ADORA1: variants seen among roughly 807,000 people sequenced by gnomAD.
ADORA1 encodes the protein adenosine A1 receptor, also known as adenosine receptor A1.
ADORA1 carries 6 observed loss-of-function variants against 19.9 expected under a neutral mutation model. The ratio of observed to expected loss-of-function variants is 0.30; its 90% CI spans 0.17 to 0.59. ADORA1 has a LOEUF of 0.59. Among genes scored for constraint, ADORA1 ranks in the 20% least tolerant of loss-of-function variants. The pLI, the probability that ADORA1 is intolerant of heterozygous loss-of-function variation, is 0.87. For missense variants in ADORA1, 302 were observed against 439.2 expected (o/e 0.69, Z 2.79); for synonymous variants, 194 against 188.4 (o/e 1.03, Z -0.24).
intron 3 of ADORA1, among the ~76,000 whole-genome samples, chr1:203,137,358 C>T (rs1446098627): frequency 1.3e-5 from 2 of 152,118 alleles, no homozygotes; most frequent in Admixed American, 1.3e-4. Context: ...TAATGGGTCA[C>T]TGGCCCAGGT....
At chr1:203,135,594 G>A (rs1354837970) in intron 3 of ADORA1, among the ~76,000 whole-genome samples, 1 of 151,046 alleles carries the variant, frequency 6.6e-6, no homozygotes, top group Non-Finnish European at 1.5e-5. Flanking sequence ...AGAGGCAGAT[G>A]TTGCAGTGAG....
In ADORA1 at chr1:203,128,965, G is replaced by A; in HGVS notation, c.124G>A (p.Asp42Asn). 1 of 1,614,166 alleles carries A rather than the reference G, an allele frequency of 6.2e-7. No homozygotes were observed. Among genetic ancestry groups the A allele is most frequent in the African/African-American group, 1.3e-5 (1 of 75,060 alleles). The change falls in exon 3 of 4, where the codon GAT (aspartate) becomes AAT (asparagine). Residue 42 changes from aspartate (D) to asparagine (N), a missense_variant. Coordinates refer to ENST00000337894, the MANE Select transcript of ADORA1 (RefSeq NM_000674.3). The surrounding 1 kb of genome is among the most constrained non-coding windows in gnomAD (Gnocchi z 5.9). ...WAVKVNQALRDATFCFIVSLA... is the reference protein window; with the variant it reads ...WAVKVNQALRNATFCFIVSLA... ...GGTGAAGGTGAACCAGGCGCTGCGGGATGCCACCTTCTGCTTCATCGTGTC... is the reference window on the plus strand; with the variant it reads ...GGTGAAGGTGAACCAGGCGCTGCGGAATGCCACCTTCTGCTTCATCGTGTC...
chr1:203,163,794 C>G (rs538451331), intron 3 of ADORA1, among the ~76,000 whole-genome samples: 7 of 152,160 alleles, frequency 4.6e-5, no homozygotes, highest in Middle Eastern at 6.8e-3. Flanking sequence ...AAGCGTTGTC[C>G]GGGGCGAGAC....
chr1:203,160,383 G>A (rs1655325078), intron 3 of ADORA1, among the ~76,000 whole-genome samples: 1 of 152,138 alleles, frequency 6.6e-6, no homozygotes, highest in African/African-American at 2.4e-5. Context: ...ATTTTTCTTT[G>A]AGCGTCTTGT....
intron 3 of ADORA1, chr1:203,129,388 C>G (rs1368406792): frequency 1.1e-5 from 8 of 723,338 alleles, no homozygotes; most frequent in Non-Finnish European, 1.4e-5. Context: ...GAGGACTGTA[C>G]TGTGAACTTA....
chr1:203,132,973 G>C (rs573872440), intron 3 of ADORA1, among the ~76,000 whole-genome samples: 1 of 152,110 alleles, frequency 6.6e-6, no homozygotes, highest in Non-Finnish European at 1.5e-5. Context: ...TTGGGATCCC[G>C]GGAGGGTTTT....
Position 203,164,099 on chromosome 1 carries a change from G to T in ADORA1, c.342-1162G>T, listed in dbSNP as rs142654553. 2.1e-3 allele frequency among the ~76,000 whole-genome samples: 317 copies of T among 152,312 alleles called. 1 individual carries two copies. Among genetic ancestry groups the T allele is most frequent in the Middle Eastern group, 0.017 (5 of 294 alleles). ...TGGCTGCTGGCTAGATTGGTTTAAAGGGAAGTAGGAACCCCTGAGATATGA... is the reference window on the plus strand; with the variant it reads ...TGGCTGCTGGCTAGATTGGTTTAAATGGAAGTAGGAACCCCTGAGATATGA... On this transcript the variant is annotated intron_variant, in intron 3 of 3. Transcript: ENST00000337894.
At position 203,139,613 on chromosome 1, in the gene ADORA1, C is replaced by T. The variant is rs144701323; in HGVS notation, c.341+10431C>T. 2.8e-3 allele frequency among the ~76,000 whole-genome samples: 434 copies of T among 152,318 alleles called. 3 individuals are homozygous for T. The highest frequency in any genetic ancestry group is 0.01 in the African/African-American group (419 of 41,566). ...CCATGTTCAGCTGCATGGGCACAGG[C>T]ATGGAAGAGGCAGATAATTTATTCC... is the stretch of plus-strand genomic sequence containing the variant. On this transcript the variant is annotated intron_variant, in intron 3 of 3. Coordinates refer to ENST00000337894, the MANE Select transcript of ADORA1 (RefSeq NM_000674.3).
rs548202427 is a variant in ADORA1 at position 203,130,758 on chromosome 1, A to T, written c.341+1576A>T. Among the ~76,000 whole-genome samples, 4 of 152,346 alleles carry T rather than the reference A, an allele frequency of 2.6e-5. No homozygotes were observed. In the East Asian group the frequency reaches 7.7e-4, roughly 29 times the overall value. On this transcript the variant is annotated intron_variant, in intron 3 of 3. Transcript: ENST00000337894. ...GCTGAGTGAGTGTTAAGGTGAGCCA[A>T]AGGTCCCGTCTTGCTGTGACAGAAT...
Position 203,129,081 on chromosome 1 carries a change from C to T in ADORA1, c.240C>T (p.Cys80=). The stretch of plus-strand genomic sequence containing the variant: ...GGCCACAGACCTACTTCCACACCTG[C>T]CTCATGGTTGCCTGTCCGGTCCTCA... ...NIGPQTYFHT[C]LMVACPVLIL... is the part of the protein sequence containing the mutation. The change falls in exon 3 of 4, where the codon TGC becomes TGT. Residue 80 remains cysteine, a synonymous_variant. Coordinates refer to ENST00000337894, the MANE Select transcript of ADORA1 (RefSeq NM_000674.3). 1 of 1,614,198 alleles carries T rather than the reference C, an allele frequency of 6.2e-7. No homozygotes were observed. Among genetic ancestry groups the T allele is most frequent in the South Asian group, 1.1e-5 (1 of 91,084 alleles).
At chr1:203,133,410 T>A (rs1402124843) in intron 3 of ADORA1, among the ~76,000 whole-genome samples, 2 of 152,214 alleles carry the variant, frequency 1.3e-5, no homozygotes, top group South Asian at 2.1e-4. Flanking sequence ...CCACCTCGCC[T>A]GGCCTCTCTA....
rs1438219188 is a variant in ADORA1 at position 203,165,866 on chromosome 1, A to T, written c.947A>T (p.Asp316Val). The change falls in exon 4 of 4, where the codon GAC becomes GTC. Residue 316 changes from aspartate (D) to valine (V), a missense_variant. Physicochemically the swap from Asp to Val is radical, Grantham distance 152. Transcript: ENST00000337894. The surrounding 1 kb of genome is among the most constrained non-coding windows in gnomAD (Gnocchi z 5.9). ...CGCTGCCAGCCTGCACCTCCCATTG[A>T]CGAGGATCTCCCAGAAGAGAGGCCT... Reference protein sequence around the residue: ...HFRCQPAPPIDEDLPEERPDD With the variant: ...HFRCQPAPPIVEDLPEERPDD 2.5e-6 allele frequency: 4 copies of T among 1,581,202 alleles called. 1 individual carries two copies. In the South Asian group the frequency reaches 4.8e-5, roughly 19 times the overall value.
intron 3 of ADORA1, among the ~76,000 whole-genome samples, chr1:203,141,330 C>T (rs958280793): frequency 6.6e-6 from 1 of 152,218 alleles, no homozygotes. Context: ...CCAGACCTCT[C>T]AGCTCTCACC....
intron 3 of ADORA1, among the ~76,000 whole-genome samples, chr1:203,146,374 A>G (rs1654858832): frequency 6.6e-6 from 1 of 152,134 alleles, no homozygotes; most frequent in Non-Finnish European, 1.5e-5. Context: ...CATGCCTGTA[A>G]TCCCAATACT....
chr1:203,128,649 G>C lies in ADORA1; in HGVS notation c.-57-136G>C, dbSNP rs936895961. The C allele has an allele frequency of 1.3e-4, 140 of 1,095,370 alleles. No homozygotes were observed. Among genetic ancestry groups the C allele is most frequent in the Non-Finnish European group, 1.7e-4 (134 of 788,796 alleles). 67.9% of individuals were successfully genotyped at this position (1,095,370 alleles called of 1,614,324 possible). On this transcript the variant is annotated intron_variant, in intron 2 of 3. Transcript: ENST00000337894. This position sits in a 1 kb window ranked among gnomAD's most constrained non-coding sequence, Gnocchi z 5.9. ...CAAAGATTAGGCAGAGAAGGGTCCG[G>C]GTGCCCCTCCAGCCTGGGTAGGAGC...
At chr1:203,130,023 C>T (rs1009106313) in intron 3 of ADORA1, among the ~76,000 whole-genome samples, 2 of 152,230 alleles carry the variant, frequency 1.3e-5, no homozygotes, top group Non-Finnish European at 2.9e-5. Context: ...CAAGTGCCAG[C>T]GAGTGCCTGG....
At chr1:203,133,775 G>T (rs549296911) in intron 3 of ADORA1, among the ~76,000 whole-genome samples, 1 of 152,234 alleles carries the variant, frequency 6.6e-6, no homozygotes, top group East Asian at 1.9e-4. Flanking sequence ...CTGCTGACCC[G>T]GGGAACCACA....
rs1468269360 is a variant in ADORA1 at position 203,166,134 on chromosome 1, A to G, written c.*234A>G. ...AGGGCAAGGGTCCTACGGAGGGACC[A>G]GGTGTCTAGAGGCAACAGTGTTCTG... is the stretch of plus-strand genomic sequence containing the variant. On this transcript the variant is annotated 3_prime_UTR_variant, in exon 4 of 4. Transcript: ENST00000337894. 2 of 444,772 alleles carry G rather than the reference A, an allele frequency of 4.5e-6. No homozygotes were observed. Among genetic ancestry groups the G allele is most frequent in the Admixed American group, 4.0e-5 (1 of 25,198 alleles). The allele number at this position is 444,772 out of a possible 1,614,324, so 27.6% of individuals were successfully genotyped here.
chr1:203,160,495 T>C (rs1344129687), intron 3 of ADORA1, among the ~76,000 whole-genome samples: 1 of 152,148 alleles, frequency 6.6e-6, no homozygotes, highest in Non-Finnish European at 1.5e-5. Context: ...TGCGCTGAAG[T>C]ATCAATAAAA....
Sources: gnomAD v4.1 joint callset for allele counts (sites outside exome capture counted in the v4.1 genomes callset) on GRCh38, gnomAD v4.1.1 for gene constraint, Gnocchi (gnomAD v3.1) non-coding constraint, MANE v1.5 for transcripts, NCBI Gene and HGNC (gene_info 2026-07-23, HGNC 2026-07-21) for gene names.